Variants in MICAL3 observed in about 807,000 individuals in gnomAD.
MICAL3 encodes [F-actin]-monooxygenase MICAL3.
Under a neutral mutation model 207.4 loss-of-function variants are expected in MICAL3, and 62 were observed. That is an observed-to-expected ratio of 0.30 (90% CI 0.24 to 0.37). MICAL3 has a LOEUF of 0.37. Among genes scored for constraint, MICAL3 ranks in the 10% least tolerant of loss-of-function variants. The probability of loss-of-function intolerance (pLI) is 1.00; values close to 1 mark genes in which losing one functional copy is unlikely to be tolerated. For missense variants in MICAL3, 2,368 were observed against 2,635.6 expected, an observed-to-expected ratio of 0.90 and a Z score of 2.22; for synonymous variants, 1,077 against 1,069.3, an observed-to-expected ratio of 1.01 and a Z score of -0.14.
At chr22:17,992,326 G>A (rs1447006459) in intron 1 of MICAL3, among the ~76,000 whole-genome samples, 1 of 152,158 alleles carries the variant, frequency 6.6e-6, no homozygotes, top group Non-Finnish European at 1.5e-5. Context: ...CAGGGGGTAG[G>A]CAAATTCTAG....
chr22:17,809,284 A>G (rs918015623), intron 28 of MICAL3, among the ~76,000 whole-genome samples: 4 of 152,250 alleles, frequency 2.6e-5, no homozygotes, highest in African/African-American at 9.6e-5. Flanking sequence ...CAAGACTGCT[A>G]GAGTGCTGGA....
chr22:17,953,890 C>T (rs1258612898), intron 1 of MICAL3, among the ~76,000 whole-genome samples: 1 of 132,490 alleles, frequency 7.5e-6, no homozygotes, highest in Non-Finnish European at 1.5e-5. Flanking sequence ...GAGATCACAC[C>T]ACTGCATTCC....
intron 16 of MICAL3, among the ~76,000 whole-genome samples, chr22:17,880,119 C>T (rs1029594052): frequency 6.6e-6 from 1 of 152,176 alleles, no homozygotes; most frequent in Non-Finnish European, 1.5e-5. Flanking sequence ...GACGTGGCTG[C>T]TCCTATCTAG....
intron 19 of MICAL3, among the ~76,000 whole-genome samples, chr22:17,856,991 A>G (rs1036565120): frequency 4.6e-5 from 7 of 152,348 alleles, no homozygotes; most frequent in South Asian, 2.1e-4. Context: ...AAGAAATTTT[A>G]TAGCTGGTCT....
intron 22 of MICAL3, 56 bp from the exon 23 acceptor site, chr22:17,823,116 G>C (rs1233199164): frequency 1.7e-6 from 2 of 1,187,104 alleles, no homozygotes; most frequent in Non-Finnish European, 2.5e-6. Flanking sequence ...CAGACAGGCT[G>C]CATCTTCACG....
chr22:17,851,522 A>C (rs1925338945), intron 19 of MICAL3, among the ~76,000 whole-genome samples: 1 of 152,240 alleles, frequency 6.6e-6, no homozygotes, highest in African/African-American at 2.4e-5. Context: ...AAGTGTTTTG[A>C]ATAAATGATC....
chr22:17,962,366 C>T (rs1934950314), intron 1 of MICAL3, among the ~76,000 whole-genome samples: 1 of 152,238 alleles, frequency 6.6e-6, no homozygotes, highest in South Asian at 2.1e-4. Context: ...ACGCACTCAG[C>T]AGGCACTCGC....
intron 1 of MICAL3, among the ~76,000 whole-genome samples, chr22:18,009,205 C>T (rs997630069): frequency 2.4e-5 from 2 of 85,074 alleles, no homozygotes; most frequent in African/African-American, 7.6e-5. Context: ...TTCTGTAACT[C>T]GCAGAAGACT....
intron 16 of MICAL3, among the ~76,000 whole-genome samples, chr22:17,878,940 G>A (rs1366421585): frequency 6.6e-6 from 1 of 152,160 alleles, no homozygotes; most frequent in Non-Finnish European, 1.5e-5. Flanking sequence ...CGTGACTGCT[G>A]AATGCCACTT....
intron 20 of MICAL3, chr22:17,840,589 T>C (rs1923912187): frequency 6.6e-6 from 1 of 152,204 alleles, no homozygotes; most frequent in African/African-American, 2.4e-5. Context: ...TCTCACAATT[T>C]ATAAATTACA....
intron 16 of MICAL3, chr22:17,881,300 G>T: frequency 6.2e-7 from 1 of 1,604,208 alleles, no homozygotes; most frequent in Non-Finnish European, 8.5e-7. Context: ...TCCTTTTCCC[G>T]TTGCTTTTAC....
chr22:18,015,579 A>AT (rs1257859489), intron 1 of MICAL3, among the ~76,000 whole-genome samples: 1 of 151,798 alleles, frequency 6.6e-6, no homozygotes, highest in Non-Finnish European at 1.5e-5. Context: ...CACTCGGCTA[A>AT]TTTTTGTATT....
rs1368031152 is a variant in MICAL3 at position 17,885,901 on chromosome 22, G to C, written c.2218C>G (p.Gln740Glu). Residue 740 changes from glutamine (Q) to glutamate (E), a missense_variant, in exon 16 of 32, where the codon CAG (glutamine) becomes GAG (glutamate). This residue lies in a region of MICAL3 where 1,770 missense variants were observed against 1,863.2 expected (regional missense o/e 0.95). Transcript: ENST00000441493. ...ACCTGTCTCCGTATGCCGATGGACTGTGCGGGCGCATTCTCTTCAAATTTG... is the reference window on the plus strand; with the variant it reads ...ACCTGTCTCCGTATGCCGATGGACTCTGCGGGCGCATTCTCTTCAAATTTG... The part of the protein sequence containing the change: ...LAKFEENAPA[Q>E]SIGIRRQGSM... 4 of 1,614,000 alleles carry C rather than the reference G, an allele frequency of 2.5e-6. No individual in the cohort carries two copies. Among genetic ancestry groups the C allele is most frequent in the Non-Finnish European group, 3.4e-6 (4 of 1,179,904 alleles).
In MICAL3 at chr22:17,971,185, A is replaced by AG. The variant is rs541281285; in HGVS notation, c.-75+53095dup. ...GAGCAAGACCCCGTGTCAGAAAAAA[A>AG]GGGGGGGGCTGGGCGCTCATGCCTT... On this transcript the variant is annotated intron_variant, in intron 1 of 31. Transcript: ENST00000441493. 1.5e-3 allele frequency among the ~76,000 whole-genome samples: 223 copies of AG among 149,600 alleles called. 3 individuals carry two copies. The South Asian group carries it at 0.037, about 25-fold the overall frequency.
rs1438949425 is a variant in MICAL3, at chr22:17,906,395, T to C, written c.264+154A>G. Among the ~76,000 whole-genome samples, 4 of 152,284 alleles carry C rather than the reference T, an allele frequency of 2.6e-5. No homozygotes were observed. In the East Asian group the frequency reaches 7.7e-4, roughly 29 times the overall value. ...TCAATCCTCCTCTTTGGCACCTGGA[T>C]ATGGTCGATGGCTCTGGCACAGAAC... On this transcript the variant is annotated intron_variant, in intron 2 of 31. Transcript: ENST00000441493.
At chr22:17,836,611 A>G (rs894678684) in intron 20 of MICAL3, among the ~76,000 whole-genome samples, 2 of 151,076 alleles carry the variant, frequency 1.3e-5, no homozygotes, top group Non-Finnish European at 2.9e-5. Flanking sequence ...ATGAAAGAGC[A>G]GGCTGCTGCC....
intron 2 of MICAL3, among the ~76,000 whole-genome samples, chr22:17,906,255 C>T (rs1258852366): frequency 6.6e-6 from 1 of 152,196 alleles, no homozygotes; most frequent in Non-Finnish European, 1.5e-5. Context: ...CTGGGTCATG[C>T]AAGTCAAACA....
intron 19 of MICAL3, among the ~76,000 whole-genome samples, chr22:17,845,940 C>T (rs1289910435): frequency 2.0e-5 from 3 of 152,170 alleles, no homozygotes; most frequent in Non-Finnish European, 4.4e-5. Flanking sequence ...CTGCAAATCC[C>T]GCAGACTAAT....
chr22:17,911,825 C>T (rs549113197), intron 1 of MICAL3, among the ~76,000 whole-genome samples: 2 of 88,880 alleles, frequency 2.3e-5, no homozygotes, highest in East Asian at 4.4e-4. Context: ...GAGCAAGATC[C>T]TGTCTCAAAA....
Sources: allele counts gnomAD v4.1 joint callset (sites outside exome capture counted in the v4.1 genomes callset), GRCh38; gene constraint gnomAD v4.1.1; regional missense constraint gnomAD v4.1.1; transcripts MANE v1.5; gene names NCBI Gene and HGNC (gene_info 2026-07-23, HGNC 2026-07-21).